The following ANKS1B variants were observed in gnomAD, a reference collection of about 807,000 sequenced individuals.
ANKS1B encodes the protein ankyrin repeat and sterile alpha motif domain containing 1B, also known as ankyrin repeat and sterile alpha motif domain-containing protein 1B.
ANKS1B carries 36 observed loss-of-function variants against 148.3 expected under a neutral mutation model. That is an observed-to-expected ratio of 0.24 (90% CI 0.19 to 0.32). The LOEUF is 0.32. Among genes scored for constraint, ANKS1B ranks in the 10% least tolerant of loss-of-function variants. The pLI is 1.00. For synonymous variants in ANKS1B, 542 were observed against 560.8 expected, an observed-to-expected ratio of 0.97 and a Z score of 0.47; for missense variants, 1,157 against 1,542.6, an observed-to-expected ratio of 0.75 and a Z score of 4.19.
intron 12 of ANKS1B, among the ~76,000 whole-genome samples, chr12:99,262,811 TTTTG>T (rs1222653865): frequency 1.3e-5 from 2 of 152,212 alleles, no homozygotes; most frequent in African/African-American, 4.8e-5. Flanking sequence ...ATACATTTGA[TTTTG>T]TTTCTCTCTT....
chr12:99,661,564 CATA>C (rs2098477713), intron 8 of ANKS1B, among the ~76,000 whole-genome samples: 1 of 152,092 alleles, frequency 6.6e-6, no homozygotes, highest in Non-Finnish European at 1.5e-5. Flanking sequence ...CTCCTTTGCC[CATA>C]ATGTTTAAAC....
At chr12:98,888,258 T>C (rs60724671) in intron 17 of ANKS1B, among the ~76,000 whole-genome samples, 14,523 of 152,290 alleles carry the variant, frequency 0.095, 1,188 homozygotes, top group East Asian at 0.36. Flanking sequence ...TTTTGTACTT[T>C]GTATTTTCCT....
chr12:99,280,848 C>T (rs1022302151), intron 12 of ANKS1B, among the ~76,000 whole-genome samples: 14 of 150,518 alleles, frequency 9.3e-5, no homozygotes, highest in Non-Finnish European at 1.6e-4. Flanking sequence ...AAATCTCTCT[C>T]TCTCTCTCTC....
chr12:99,282,887 C>G (rs1268656435), intron 12 of ANKS1B, among the ~76,000 whole-genome samples: 1 of 152,082 alleles, frequency 6.6e-6, no homozygotes, highest in Admixed American at 6.6e-5. Context: ...AATACAACAG[C>G]TGCAGAGAGA....
At chr12:99,214,005 G>A (rs1334107018) in intron 14 of ANKS1B, among the ~76,000 whole-genome samples, 1 of 152,162 alleles carries the variant, frequency 6.6e-6, no homozygotes, top group Non-Finnish European at 1.5e-5. Context: ...CAATGACCGA[G>A]CGAAAATTGA....
chr12:98,893,463 G>T (rs1255377737), intron 17 of ANKS1B: 1 of 152,106 alleles, frequency 6.6e-6, no homozygotes, highest in East Asian at 1.9e-4. Context: ...TAACTTTAAC[G>T]TGAGCCCACC....
intron 12 of ANKS1B, among the ~76,000 whole-genome samples, chr12:99,397,462 T>A (rs763588731): frequency 6.6e-6 from 1 of 152,082 alleles, no homozygotes; most frequent in Middle Eastern, 3.4e-3. Context: ...CGACAAGAAA[T>A]AAGTAAAGAA....
At chr12:99,724,780 G>T (rs1406373143) in intron 8 of ANKS1B, among the ~76,000 whole-genome samples, 1 of 152,120 alleles carries the variant, frequency 6.6e-6, no homozygotes, top group Non-Finnish European at 1.5e-5. Context: ...ACCCACAAAG[G>T]GAAGCCCATC....
At chr12:98,977,826 C>G (rs988688509) in intron 17 of ANKS1B, among the ~76,000 whole-genome samples, 1 of 152,044 alleles carries the variant, frequency 6.6e-6, no homozygotes, top group Admixed American at 6.6e-5. Context: ...ACTTCATACT[C>G]ATACAGTCAA....
chr12:99,845,869 C>A (rs188870874), intron 1 of ANKS1B, among the ~76,000 whole-genome samples: 1 of 151,944 alleles, frequency 6.6e-6, no homozygotes, highest in Non-Finnish European at 1.5e-5. Flanking sequence ...TGGTTGGTGG[C>A]TATTTATTAC....
At chr12:99,429,204 T>G (rs188346539) in intron 11 of ANKS1B, among the ~76,000 whole-genome samples, 139 of 152,274 alleles carry the variant, frequency 9.1e-4, no homozygotes, top group African/African-American at 3.3e-3. Flanking sequence ...TGGAGAAGTC[T>G]GAAAGAAACC....
At chr12:99,810,199 A>G (rs2068160525) in intron 3 of ANKS1B, among the ~76,000 whole-genome samples, 1 of 152,014 alleles carries the variant, frequency 6.6e-6, no homozygotes, top group South Asian at 2.1e-4. Context: ...ATGATTTCTC[A>G]ACTATAAAAT....
At chr12:99,013,028 A>G (rs964911234) in intron 17 of ANKS1B, among the ~76,000 whole-genome samples, 2 of 152,206 alleles carry the variant, frequency 1.3e-5, no homozygotes, top group African/African-American at 4.8e-5. Context: ...GAGTGTGCAA[A>G]CAAACTTAAA....
At chr12:99,012,567 G>A (rs2099940079) in intron 17 of ANKS1B, among the ~76,000 whole-genome samples, 1 of 152,102 alleles carries the variant, frequency 6.6e-6, no homozygotes. Flanking sequence ...AAATAAAACT[G>A]TATCAAGAGT....
At chr12:99,380,428 A>AT (rs201611863) in intron 12 of ANKS1B, among the ~76,000 whole-genome samples, 45,642 of 151,756 alleles carry the variant, frequency 0.3, 7,908 homozygotes, top group East Asian at 0.48. Context: ...TGTAGTTTTT[A>AT]GAAACATGTT....
chr12:98,744,066 T>C lies in ANKS1B; in HGVS notation c.*1673A>G, dbSNP rs1390338250. On this transcript the variant is annotated 3_prime_UTR_variant, in exon 27 of 27. Transcript: ENST00000683438. ...AAAATTTATAACTGGAAGCCCAAGC[T>C]TATTTACACATATGCTTCTGTTTCA... is the stretch of plus-strand genomic sequence containing the variant. 2.2e-5 allele frequency: 22 copies of C among 982,648 alleles called. No individual in the cohort carries two copies. Among genetic ancestry groups the C allele is most frequent in the Non-Finnish European group, 2.5e-5 (21 of 827,222 alleles). The allele number at this position is 982,648 out of a possible 1,614,324, so 60.9% of individuals were successfully genotyped here. A position where few individuals can be genotyped will look rare whatever the true frequency, so the allele number is the denominator to read the frequency against.
At chr12:99,122,507 C>T (rs573933962) in intron 15 of ANKS1B, among the ~76,000 whole-genome samples, 3 of 152,140 alleles carry the variant, frequency 2.0e-5, no homozygotes, top group East Asian at 1.9e-4. Context: ...GTAGGTGTTT[C>T]GAGTAACTAA....
At chr12:98,897,755 A>C (rs2099766792) in intron 17 of ANKS1B, among the ~76,000 whole-genome samples, 1 of 152,220 alleles carries the variant, frequency 6.6e-6, no homozygotes, top group African/African-American at 2.4e-5. Flanking sequence ...TATCAAGAAG[A>C]CACCTGCACT....
At chr12:98,886,257 G>A (rs567261124) in intron 17 of ANKS1B, among the ~76,000 whole-genome samples, 273 of 152,282 alleles carry the variant, frequency 1.8e-3, no homozygotes, top group Non-Finnish European at 3.3e-3. Flanking sequence ...ACCTAAGGAA[G>A]CAAATTAAGG....
Sources: allele counts gnomAD v4.1 joint callset (sites outside exome capture counted in the v4.1 genomes callset), GRCh38; gene constraint gnomAD v4.1.1; transcripts MANE v1.5; gene names NCBI Gene and HGNC (gene_info 2026-07-23, HGNC 2026-07-21).